Variants in PXDNL observed in about 807,000 individuals in gnomAD.
The protein encoded by PXDNL is peroxidasin like, also known as probable oxidoreductase PXDNL.
In PXDNL, 145 loss-of-function variants were observed where a neutral mutation model predicts 150.8. The ratio of observed to expected loss-of-function variants is 0.96; its 90% CI spans 0.84 to 1.10. PXDNL has a LOEUF of 1.10. Among genes scored for constraint, PXDNL ranks in the 50% least tolerant of loss-of-function variants. The probability of loss-of-function intolerance (pLI) is 0.00; values close to 1 mark genes in which losing one functional copy is unlikely to be tolerated. For missense variants in PXDNL, 2,087 were observed against 1,873.9 expected (o/e 1.11, Z -2.10); for synonymous variants, 757 against 725.7 (o/e 1.04, Z -0.69).
chr8:51,707,808 A>T (rs1237353654), intron 1 of PXDNL, among the ~76,000 whole-genome samples: 2 of 152,200 alleles, frequency 1.3e-5, no homozygotes, highest in Non-Finnish European at 2.9e-5. Context: ...TTCACTTAAC[A>T]TAATATCTTT....
intron 2 of PXDNL, among the ~76,000 whole-genome samples, chr8:51,637,851 C>A (rs995794513): frequency 6.6e-6 from 1 of 152,034 alleles, no homozygotes; most frequent in Non-Finnish European, 1.5e-5. Flanking sequence ...ATACAGAGAA[C>A]GCCACAAAGA....
intron 1 of PXDNL, among the ~76,000 whole-genome samples, chr8:51,761,964 T>G (rs575494025): frequency 6.6e-6 from 1 of 152,228 alleles, no homozygotes; most frequent in Non-Finnish European, 1.5e-5. Context: ...AATCTTAGAG[T>G]GTAGGATTAA....
At chr8:51,711,350 C>G (rs565203077) in intron 1 of PXDNL, among the ~76,000 whole-genome samples, 1 of 152,256 alleles carries the variant, frequency 6.6e-6, no homozygotes, top group Admixed American at 6.5e-5. Context: ...GTTGGTCAGG[C>G]TGGTCTCAAA....
chr8:51,728,377 T>A (rs1168664359), intron 1 of PXDNL, among the ~76,000 whole-genome samples: 1 of 152,186 alleles, frequency 6.6e-6, no homozygotes, highest in East Asian at 1.9e-4. Context: ...AAACTGTAAA[T>A]TAGCCTCAGG....
intron 20 of PXDNL, among the ~76,000 whole-genome samples, chr8:51,342,389 A>G (rs903666448): frequency 1.3e-5 from 2 of 152,108 alleles, no homozygotes; most frequent in African/African-American, 4.8e-5. Context: ...TAGTAAAGGT[A>G]GCACATGTTA....
At position 51,569,491 on chromosome 8, in the gene PXDNL, C is replaced by T. The variant is rs562654191; in HGVS notation, c.309-12580G>A. ...ATAAACACACATGACAATTGTATGT[C>T]GCTCTAGGAAGGCAAATAAACATTT... On this transcript the variant is annotated intron_variant, in intron 3 of 22. Transcript: ENST00000356297. Among the ~76,000 whole-genome samples the T allele has an allele frequency of 3.3e-5, 5 of 151,894 alleles. No individual in the cohort carries two copies. In the East Asian group the frequency reaches 5.8e-4, roughly 18 times the overall value.
At chr8:51,679,825 G>T (rs1481366007) in intron 1 of PXDNL, among the ~76,000 whole-genome samples, 2 of 152,142 alleles carry the variant, frequency 1.3e-5, no homozygotes, top group Non-Finnish European at 2.9e-5. Context: ...TCGCCTTCAG[G>T]AAGCTAAGCA....
intron 10 of PXDNL, among the ~76,000 whole-genome samples, chr8:51,449,790 A>C (rs1809761855): frequency 6.6e-6 from 1 of 152,358 alleles, no homozygotes; most frequent in South Asian, 2.1e-4. Flanking sequence ...GTAACGCCTA[A>C]GTGATCAAAA....
chr8:51,733,218 G>A (rs1390800012), intron 1 of PXDNL, among the ~76,000 whole-genome samples: 1 of 152,176 alleles, frequency 6.6e-6, no homozygotes, highest in Non-Finnish European at 1.5e-5. Context: ...CCTTACTTGA[G>A]ACTGTAAAAC....
At chr8:51,356,551 C>G (rs1806516447) in intron 19 of PXDNL, among the ~76,000 whole-genome samples, 1 of 150,326 alleles carries the variant, frequency 6.7e-6, no homozygotes, top group African/African-American at 2.4e-5. Flanking sequence ...AGAAAAGAAC[C>G]TAGTAATTTA....
intron 19 of PXDNL, among the ~76,000 whole-genome samples, chr8:51,352,683 A>G (rs1806388697): frequency 6.6e-6 from 1 of 152,044 alleles, no homozygotes; most frequent in Admixed American, 6.6e-5. Flanking sequence ...TGAGTCAGAA[A>G]CCCTCTTTTA....
intron 4 of PXDNL, among the ~76,000 whole-genome samples, chr8:51,511,303 G>A (rs955094311): frequency 1.7e-4 from 26 of 152,202 alleles, no homozygotes; most frequent in Non-Finnish European, 5.9e-5. Context: ...CTAGAGAGAA[G>A]AGGAGGTTGA....
At chr8:51,442,634 T>G (rs1809577591) in intron 12 of PXDNL, among the ~76,000 whole-genome samples, 2 of 152,000 alleles carry the variant, frequency 1.3e-5, no homozygotes, top group Non-Finnish European at 2.9e-5. Flanking sequence ...TTCTTCTTCC[T>G]AAATCTATTA....
chr8:51,615,761 T>A (rs1814117014), intron 2 of PXDNL, among the ~76,000 whole-genome samples: 1 of 152,228 alleles, frequency 6.6e-6, no homozygotes, highest in South Asian at 2.1e-4. Flanking sequence ...TTACAATTCA[T>A]AATAAGTCAA....
At chr8:51,410,785 C>CA (rs1259216621) in intron 16 of PXDNL, among the ~76,000 whole-genome samples, 6 of 151,442 alleles carry the variant, frequency 4.0e-5, no homozygotes, top group African/African-American at 9.7e-5. Context: ...TTGGATATAC[C>CA]AAAAAACAAA....
rs962965318 is a variant in PXDNL at position 51,319,989 on chromosome 8, G to C, written c.4294C>G (p.Pro1432Ala). 3 of 1,569,066 alleles carry C rather than the reference G, an allele frequency of 1.9e-6. No individual in the cohort carries two copies. The Admixed American group carries it at 5.6e-5, about 29-fold the overall frequency. Residue 1432 changes from proline (P) to alanine (A), a missense_variant, in exon 23 of 23, where the codon CCC (proline) becomes GCC (alanine). Coordinates refer to ENST00000356297, the MANE Select transcript of PXDNL (RefSeq NM_144651.5). ...TCAGGACTGGGACAGGGAGCCGGGG[G>C]ACAAATCTCCACCACACAGGTGACC... is the stretch of plus-strand genomic sequence containing the variant. ...GQVTCVVEIC[P>A]PAPCPSPELV...
At chr8:51,709,069 G>A (rs1049451227) in intron 1 of PXDNL, among the ~76,000 whole-genome samples, 11 of 152,046 alleles carry the variant, frequency 7.2e-5, no homozygotes, top group Non-Finnish European at 1.5e-5. Flanking sequence ...GAGGAAGTGA[G>A]TCAATTAGCA....
At chr8:51,704,168 A>C (rs542377627) in intron 1 of PXDNL, among the ~76,000 whole-genome samples, 1 of 152,190 alleles carries the variant, frequency 6.6e-6, no homozygotes, top group Admixed American at 6.5e-5. Context: ...CTTTCAATTT[A>C]CCATATAAAT....
chr8:51,349,426 T>C (rs186636648), intron 19 of PXDNL, among the ~76,000 whole-genome samples: 8 of 152,328 alleles, frequency 5.3e-5, no homozygotes, highest in African/African-American at 1.9e-4. Flanking sequence ...CATGTCAGCC[T>C]TCTCCAGGAA....
Sources: gnomAD v4.1 joint callset for allele counts (sites outside exome capture counted in the v4.1 genomes callset) on GRCh38, gnomAD v4.1.1 for gene constraint, MANE v1.5 for transcripts, NCBI Gene and HGNC (gene_info 2026-07-23, HGNC 2026-07-21) for gene names.